Variants in CCDC178 observed in about 807,000 individuals in gnomAD.
The protein encoded by CCDC178 is coiled-coil domain-containing protein 178.
CCDC178 carries 126 observed loss-of-function variants against 117.4 expected under a neutral mutation model. That is an observed-to-expected ratio of 1.07 (90% CI 0.93 to 1.24). The LOEUF is 1.24. Ranked by LOEUF, CCDC178 falls within the 50% of genes most tolerant of loss-of-function variation. The pLI, the probability that CCDC178 is intolerant of heterozygous loss-of-function variation, is 0.00. For missense variants in CCDC178, 1,030 were observed against 986.9 expected (o/e 1.04, Z -0.59); for synonymous variants, 283 against 313.4 (o/e 0.90, Z 1.02).
chr18:33,136,865 T>G (rs1429427245), intron 20 of CCDC178, among the ~76,000 whole-genome samples: 1 of 152,184 alleles, frequency 6.6e-6, no homozygotes, highest in Non-Finnish European at 1.5e-5. Flanking sequence ...TTTTAAAAAT[T>G]ATCTATGTGA....
intron 19 of CCDC178, among the ~76,000 whole-genome samples, chr18:33,212,573 CTGCCAATTA>C (rs1266742347): frequency 1.3e-5 from 2 of 151,918 alleles, no homozygotes; most frequent in Non-Finnish European, 2.9e-5. Flanking sequence ...GCAGCTTGCT[CTGCCAATTA>C]TGTAAGATGA....
chr18:33,225,129 A>G (rs539777492), intron 16 of CCDC178, among the ~76,000 whole-genome samples, 193 bp from the exon 17 acceptor site: 8 of 150,476 alleles, frequency 5.3e-5, no homozygotes, highest in East Asian at 1.9e-4. Flanking sequence ...ATATCCAAAA[A>G]TCTCATGGAT....
chr18:33,382,195 TAA>T (rs1341255829), intron 5 of CCDC178, among the ~76,000 whole-genome samples: 1 of 152,170 alleles, frequency 6.6e-6, no homozygotes, highest in Non-Finnish European at 1.5e-5. Context: ...AAATTTTTGA[TAA>T]AGAGTTCTTC....
Position 33,245,237 on chromosome 18 carries a change from T to A in CCDC178, c.1593+8A>T. On this transcript the variant is annotated splice_region_variant and intron_variant, in intron 15 of 22. Transcript: ENST00000383096. ...ATCATGAGTAAGAGGAACACAAAGA[T>A]ACACAACCTTGAACTTTCTTCTCAC... 6.4e-7 allele frequency: 1 copy of A among 1,566,312 alleles called. No individual in the cohort carries two copies. Among genetic ancestry groups the A allele is most frequent in the Non-Finnish European group, 8.6e-7 (1 of 1,160,352 alleles).
At chr18:33,337,980 G>A (rs989918073) in intron 9 of CCDC178, among the ~76,000 whole-genome samples, 6 of 152,096 alleles carry the variant, frequency 3.9e-5, no homozygotes, top group African/African-American at 1.4e-4. Context: ...AACCCACAGA[G>A]TGGGAGAAAA....
intron 21 of CCDC178, among the ~76,000 whole-genome samples, chr18:33,015,697 C>T (rs1372661866): frequency 6.7e-6 from 1 of 149,714 alleles, no homozygotes; most frequent in African/African-American, 2.4e-5. Context: ...AATTTGAAAT[C>T]AGTTATTATA....
At chr18:33,128,032 C>T (rs1182715809) in intron 20 of CCDC178, among the ~76,000 whole-genome samples, 4 of 152,168 alleles carry the variant, frequency 2.6e-5, no homozygotes, top group African/African-American at 7.2e-5. Context: ...TTAGAGAAAA[C>T]TTCCAGGCTT....
chr18:33,039,428 A>G (rs2056504842), intron 21 of CCDC178, among the ~76,000 whole-genome samples: 1 of 152,046 alleles, frequency 6.6e-6, no homozygotes, highest in South Asian at 2.1e-4. Context: ...AAGAAAGTAG[A>G]AAAATATATT....
At chr18:33,427,572 T>C (rs2064140041) in intron 2 of CCDC178, among the ~76,000 whole-genome samples, 1 of 152,204 alleles carries the variant, frequency 6.6e-6, no homozygotes, top group Non-Finnish European at 1.5e-5. Flanking sequence ...CTTTATATTA[T>C]GTCTGTATTA....
At chr18:33,317,469 T>A (rs1414904201) in intron 11 of CCDC178, among the ~76,000 whole-genome samples, 2 of 152,176 alleles carry the variant, frequency 1.3e-5, no homozygotes. Flanking sequence ...GGCTTCATTC[T>A]TGAAGTCAGT....
intron 21 of CCDC178, among the ~76,000 whole-genome samples, chr18:33,076,757 C>T (rs2057215067): frequency 6.6e-6 from 1 of 152,194 alleles, no homozygotes; most frequent in Non-Finnish European, 1.5e-5. Flanking sequence ...ATATCAATCT[C>T]AGTATCTCTC....
chr18:33,018,417 A>G (rs1598793934), intron 21 of CCDC178, among the ~76,000 whole-genome samples: 1 of 152,092 alleles, frequency 6.6e-6, no homozygotes, highest in East Asian at 1.9e-4. Flanking sequence ...ACTCTGAGGT[A>G]CACATTCAAG....
At chr18:33,424,003 T>A (rs1384700967) in intron 2 of CCDC178, among the ~76,000 whole-genome samples, 2 of 152,204 alleles carry the variant, frequency 1.3e-5, no homozygotes, top group African/African-American at 4.8e-5. Context: ...CAATTAATAA[T>A]AAACTACTTT....
At chr18:33,286,284 T>C (rs2060098423) in intron 12 of CCDC178, among the ~76,000 whole-genome samples, 1 of 152,144 alleles carries the variant, frequency 6.6e-6, no homozygotes, top group Admixed American at 6.5e-5. Flanking sequence ...CAGCAATGTG[T>C]ATTTTTCTAA....
chr18:33,065,852 GTTCT>G (rs1303037482), intron 21 of CCDC178, among the ~76,000 whole-genome samples: 2 of 148,380 alleles, frequency 1.3e-5, no homozygotes, highest in Non-Finnish European at 3.0e-5. Context: ...ACCTAGCAAA[GTTCT>G]TTTTCTTTTT....
intron 11 of CCDC178, among the ~76,000 whole-genome samples, chr18:33,306,513 AATATATGGTT>A (rs1267803184): frequency 3.5e-5 from 5 of 142,238 alleles, no homozygotes; most frequent in South Asian, 2.1e-4. Flanking sequence ...GGTTATATAT[AATATATGGTT>A]ATATATGGTT....
chr18:33,055,426 T>A (rs1024353985), intron 21 of CCDC178, among the ~76,000 whole-genome samples: 2 of 151,980 alleles, frequency 1.3e-5, no homozygotes, highest in African/African-American at 4.8e-5. Context: ...AGGCCCAATC[T>A]TCTGGGATCA....
chr18:33,116,087 T>A (rs750299797), intron 20 of CCDC178, among the ~76,000 whole-genome samples: 1 of 152,188 alleles, frequency 6.6e-6, no homozygotes, highest in Non-Finnish European at 1.5e-5. Flanking sequence ...AAGGTAATTA[T>A]CAGGACCTGT....
chr18:33,033,256 T>C (rs890630596), intron 21 of CCDC178, among the ~76,000 whole-genome samples: 2 of 152,088 alleles, frequency 1.3e-5, no homozygotes, highest in Non-Finnish European at 2.9e-5. Flanking sequence ...TAAATTTTGG[T>C]TTTTGTAGAG....
Sources: allele counts gnomAD v4.1 joint callset (sites outside exome capture counted in the v4.1 genomes callset), GRCh38; gene constraint gnomAD v4.1.1; transcripts MANE v1.5; gene names NCBI Gene and HGNC (gene_info 2026-07-23, HGNC 2026-07-21).